The following PARD3B variants were observed in gnomAD, a reference collection of about 807,000 sequenced individuals.
The protein encoded by PARD3B is partitioning defective 3 homolog B.
In PARD3B, 103 loss-of-function variants were observed where a neutral mutation model predicts 130.2. The observed-to-expected ratio is 0.79, with a 90% CI of 0.67 to 0.93. The LOEUF (loss-of-function observed/expected upper bound fraction) is 0.93. Ranked by LOEUF, PARD3B falls within the 40% of genes least tolerant of loss-of-function variation. The probability of loss-of-function intolerance (pLI) is 0.00; values close to 1 mark genes in which losing one functional copy is unlikely to be tolerated. For missense variants in PARD3B, 1,609 were observed against 1,499.2 expected (o/e 1.07, Z -1.21); for synonymous variants, 583 against 553.2 (o/e 1.05, Z -0.76).
intron 21 of PARD3B, among the ~76,000 whole-genome samples, chr2:205,524,197 A>G (rs138514720): frequency 1.5e-4 from 23 of 152,046 alleles, no homozygotes; most frequent in African/African-American, 5.5e-4. Context: ...CATTTTGCCA[A>G]GCCTTTTTTG....
chr2:205,139,977 T>A (rs553035983), intron 10 of PARD3B, among the ~76,000 whole-genome samples: 1 of 152,334 alleles, frequency 6.6e-6, no homozygotes, highest in East Asian at 1.9e-4. Context: ...ACTGATCGCA[T>A]GTGAATGTCT....
At chr2:204,554,777 T>C (rs2030801247) in intron 1 of PARD3B, among the ~76,000 whole-genome samples, 1 of 152,138 alleles carries the variant, frequency 6.6e-6, no homozygotes. Context: ...TAAATGGCCT[T>C]GGAAGTGCTA....
chr2:205,279,130 T>C (rs926254620), intron 16 of PARD3B, among the ~76,000 whole-genome samples: 2 of 144,528 alleles, frequency 1.4e-5, no homozygotes, highest in Admixed American at 1.4e-4. Context: ...TTAATTATTA[T>C]ACTAAATTTT....
chr2:204,715,144 T>A (rs2216321), intron 2 of PARD3B, among the ~76,000 whole-genome samples: 1 of 152,020 alleles, frequency 6.6e-6, no homozygotes. Flanking sequence ...TCTTTAGAAA[T>A]CCTTGTGTTC....
chr2:205,561,825 G>A (rs922644651), intron 22 of PARD3B, among the ~76,000 whole-genome samples: 7 of 152,128 alleles, frequency 4.6e-5, no homozygotes, highest in Admixed American at 2.6e-4. Context: ...TGCATATGAC[G>A]GGGTTTACTG....
chr2:204,906,785 A>G lies in PARD3B; in HGVS notation c.223-58367A>G, dbSNP rs2047055442. 6.6e-6 allele frequency among the ~76,000 whole-genome samples: 1 copy of G among 152,190 alleles called. No homozygotes were observed. Among genetic ancestry groups the G allele is most frequent in the Non-Finnish European group, 1.5e-5 (1 of 68,030 alleles). ...TTTTTTTCAGGCTTAATTTTATGTT[A>G]AACATTTTACATTGGATTATTTCAT... On this transcript the variant is annotated intron_variant, in intron 2 of 22. Transcript: ENST00000406610. The surrounding 1 kb of genome is among the most constrained non-coding windows in gnomAD (Gnocchi z 4.3).
Position 205,269,662 on chromosome 2 carries a change from T to G in PARD3B, c.2185+23840T>G, listed in dbSNP as rs1014184055. ...TTAGTAATTTCCCACTGAACTGGAATAGTCATTTTAGCTGTCAGAAATATT... is the reference window on the plus strand; with the variant it reads ...TTAGTAATTTCCCACTGAACTGGAAGAGTCATTTTAGCTGTCAGAAATATT... On this transcript the variant is annotated intron_variant, in intron 16 of 22. Transcript: ENST00000406610. The surrounding 1 kb of genome is among the most constrained non-coding windows in gnomAD (Gnocchi z 4.7). Among the ~76,000 whole-genome samples, 26 of 152,200 alleles carry G rather than the reference T, an allele frequency of 1.7e-4. No individual in the cohort carries two copies. The highest frequency in any genetic ancestry group is 1.7e-3 in the Admixed American group (26 of 15,272).
intron 10 of PARD3B, among the ~76,000 whole-genome samples, chr2:205,156,074 A>G (rs1358895738): frequency 6.6e-6 from 1 of 151,990 alleles, no homozygotes. Context: ...ATGGAATACT[A>G]TGCAGCCATA....
At chr2:204,628,444 G>C (rs188932035) in intron 1 of PARD3B, among the ~76,000 whole-genome samples, 1 of 152,236 alleles carries the variant, frequency 6.6e-6, no homozygotes, top group Non-Finnish European at 1.5e-5. Flanking sequence ...AATTTAAAGA[G>C]AGGGGAGAGA....
chr2:205,607,610 G>C (rs989530971), intron 22 of PARD3B, among the ~76,000 whole-genome samples: 2 of 152,218 alleles, frequency 1.3e-5, no homozygotes, highest in African/African-American at 4.8e-5. Context: ...CTAACTTGCT[G>C]TAGGCACTTG....
At position 205,168,288 on chromosome 2, in the gene PARD3B, GGA is replaced by G. The variant is rs761018109; in HGVS notation, c.1621-3891_1621-3890del. ...AGAGGAAGAAAAAGGGGTGAGAAAG[GGA>G]GAGAGAGAGAGAGAGAGAGAGAGAG... On this transcript the variant is annotated intron_variant, in intron 11 of 22. Coordinates refer to ENST00000406610, the MANE Select transcript of PARD3B (RefSeq NM_001302769.2). 3.2e-3 allele frequency among the ~76,000 whole-genome samples: 407 copies of G among 126,842 alleles called. 5 individuals carry two copies. The highest frequency in any genetic ancestry group is 0.01 in the African/African-American group (325 of 31,314). The allele number at this position is 126,842 out of a possible 152,430, so 83.2% of individuals were successfully genotyped here.
chr2:205,370,428 T>C (rs904156273), intron 18 of PARD3B, among the ~76,000 whole-genome samples: 9 of 152,130 alleles, frequency 5.9e-5, no homozygotes, highest in Non-Finnish European at 1.3e-4. Context: ...TGAAGTGAAG[T>C]TGTACCTGTT....
chr2:204,747,012 T>C (rs1330265263), intron 2 of PARD3B, among the ~76,000 whole-genome samples: 1 of 152,202 alleles, frequency 6.6e-6, no homozygotes, highest in Non-Finnish European at 1.5e-5. Flanking sequence ...TTGGCTTTTG[T>C]TGCCATTGCT....
At chr2:205,221,104 T>A (rs551216715) in intron 15 of PARD3B, among the ~76,000 whole-genome samples, 2 of 152,308 alleles carry the variant, frequency 1.3e-5, no homozygotes, top group Non-Finnish European at 2.9e-5. Context: ...AGTAGCTTTG[T>A]TGTGGAAAAT....
chr2:204,989,084 C>G (rs151095995), intron 3 of PARD3B, among the ~76,000 whole-genome samples: 1 of 152,192 alleles, frequency 6.6e-6, no homozygotes, highest in Non-Finnish European at 1.5e-5. Flanking sequence ...ATCACAAAAA[C>G]AGTTTAAATG....
intron 4 of PARD3B, among the ~76,000 whole-genome samples, chr2:205,062,723 GAAT>G (rs1338899951): frequency 6.6e-6 from 1 of 152,156 alleles, no homozygotes; most frequent in South Asian, 2.1e-4. Context: ...ATTAAGAAAA[GAAT>G]AAAATGTTTT....
intron 2 of PARD3B, among the ~76,000 whole-genome samples, chr2:204,699,268 C>G (rs1216070474): frequency 6.6e-6 from 1 of 152,000 alleles, no homozygotes; most frequent in African/African-American, 2.4e-5. Context: ...TCTTGTTCAC[C>G]GAGGAAGTGG....
chr2:205,223,286 G>A, intron 15 of PARD3B, among the ~76,000 whole-genome samples: 1 of 152,196 alleles, frequency 6.6e-6, no homozygotes. Context: ...TGAAATATTA[G>A]TGAAGGTTTG....
intron 21 of PARD3B, among the ~76,000 whole-genome samples, chr2:205,534,016 T>A (rs548232390): frequency 6.6e-6 from 1 of 150,804 alleles, no homozygotes; most frequent in South Asian, 2.1e-4. Flanking sequence ...ATGTTTTGTC[T>A]TTGAGAAGGA....
Sources: gnomAD v4.1 joint callset for allele counts (sites outside exome capture counted in the v4.1 genomes callset) on GRCh38, gnomAD v4.1.1 for gene constraint, Gnocchi (gnomAD v3.1) non-coding constraint, MANE v1.5 for transcripts, NCBI Gene and HGNC (gene_info 2026-07-23, HGNC 2026-07-21) for gene names.